The following ZFHX3 variants were observed in gnomAD, a reference collection of about 807,000 sequenced individuals.
ZFHX3 encodes zinc finger homeobox protein 3.
ZFHX3 carries 42 observed loss-of-function variants against 279.1 expected under a neutral mutation model. That is an observed-to-expected ratio of 0.15 (90% confidence interval 0.12 to 0.19). ZFHX3 has a LOEUF of 0.19. Ranked by LOEUF, ZFHX3 falls within the 10% of genes least tolerant of loss-of-function variation. The pLI, the probability that ZFHX3 is intolerant of heterozygous loss-of-function variation, is 1.00. For missense variants in ZFHX3, 4,981 were observed against 4,754.0 expected, an observed-to-expected ratio of 1.05 and a Z score of -1.40; for synonymous variants, 2,293 against 1,957.8, an observed-to-expected ratio of 1.17 and a Z score of -4.52.
At chr16:73,770,956 G>T (rs371536287) in intron 1 of ZFHX3, among the ~76,000 whole-genome samples, 6 of 152,132 alleles carry the variant, frequency 3.9e-5, no homozygotes, top group African/African-American at 1.4e-4. Flanking sequence ...TCATGAAGAA[G>T]GTAAAGGACT....
At chr16:72,883,311 C>T (rs558956633) in intron 4 of ZFHX3, among the ~76,000 whole-genome samples, 54 of 152,178 alleles carry the variant, frequency 3.5e-4, no homozygotes, top group African/African-American at 1.2e-3. Context: ...AATCAAACTA[C>T]GAATATTGGC....
At position 72,787,039 on chromosome 16, in the gene ZFHX3, CTTTT is replaced by C. The variant is rs76239888; in HGVS notation, c.*121_*124del. The C allele has an allele frequency of 8.3e-4, 570 of 682,958 alleles. No homozygotes were observed. The highest frequency in any genetic ancestry group is 8.8e-4 in the Non-Finnish European group (473 of 537,292). 42.3% of individuals were successfully genotyped at this position (682,958 alleles called of 1,614,324 possible). A position where few individuals can be genotyped will look rare whatever the true frequency, so the allele number is the denominator to read the frequency against. On this transcript the variant is annotated 3_prime_UTR_variant, in exon 10 of 10. Transcript: ENST00000268489. ...ACAACCCACGCTTTTTCTTTTTTTT[CTTTT>C]TTTTTTTTTTTTTGTTTTTTGGTTA...
intron 1 of ZFHX3, among the ~76,000 whole-genome samples, chr16:73,686,804 T>C (rs2053089676): frequency 6.6e-6 from 1 of 151,650 alleles, no homozygotes; most frequent in Admixed American, 6.6e-5. Context: ...AAACCTTATC[T>C]AGGAGAGTTA....
Position 72,788,046 on chromosome 16 carries a change from TG to T in ZFHX3, c.10229del (p.Pro3410GlnfsTer75), listed in dbSNP as rs754064241. On this transcript the variant is annotated frameshift_variant, in exon 10 of 10. Transcript: ENST00000268489. LOFTEE classifies it high-confidence loss of function. Reference protein sequence around the residue: ...QTPVPPGAPSPDKDPAKESPK... With the variant: ...QTPVPPGAPSXDKDPAKESPK... ...GGGATTCTTTGGCAGGGTCTTTGTC[TG>T]GGGAAGGAGCCCCGGGGGGGACTGG... 6.2e-7 allele frequency: 1 copy of T among 1,610,990 alleles called. No homozygotes were observed.
chr16:73,089,100 T>TTAATTA (rs1308678648), intron 8 of ZFHX3, among the ~76,000 whole-genome samples: 2 of 152,064 alleles, frequency 1.3e-5, no homozygotes, highest in Non-Finnish European at 2.9e-5. Flanking sequence ...AATTTTAATT[T>TTAATTA]TAATTAATTA....
chr16:73,352,884 A>G (rs1449724313), intron 3 of ZFHX3, among the ~76,000 whole-genome samples: 1 of 152,140 alleles, frequency 6.6e-6, no homozygotes, highest in Non-Finnish European at 1.5e-5. Context: ...CAGCCGTGCT[A>G]TCCAGCCTGG....
chr16:72,794,346 T>C lies in ZFHX3; in HGVS notation c.8336A>G (p.Asp2779Gly). ...SFSHLPPSSS[D>G]GQGVPLSPVS... The stretch of plus-strand genomic sequence containing the variant: ...AGGTGAGAGGGGGACACCCTGACCA[T>C]CACTACTGCTTGGGGGTAGGTGGGA... The change falls in exon 9 of 10, where the codon GAT becomes GGT. Residue 2779 changes from aspartate to glycine, a missense_variant. Coordinates refer to ENST00000268489, the MANE Select transcript of ZFHX3 (RefSeq NM_006885.4). The surrounding 1 kb of genome is among the most constrained non-coding windows in gnomAD (Gnocchi z 4.2). The C allele has an allele frequency of 6.2e-7, 1 of 1,603,222 alleles. No individual in the cohort carries two copies. Among genetic ancestry groups the C allele is most frequent in the Non-Finnish European group, 8.5e-7 (1 of 1,174,282 alleles).
intron 2 of ZFHX3, among the ~76,000 whole-genome samples, chr16:73,515,064 G>T (rs1319806181): frequency 6.6e-6 from 1 of 152,188 alleles, no homozygotes; most frequent in African/African-American, 2.4e-5. Context: ...TTCATTACAA[G>T]GTATGAATGC....
intron 1 of ZFHX3, among the ~76,000 whole-genome samples, chr16:73,001,775 G>A (rs1963507692): frequency 6.6e-6 from 1 of 151,556 alleles, no homozygotes; most frequent in South Asian, 2.1e-4. Flanking sequence ...AGCCCTGACT[G>A]CACCACCACG....
At chr16:72,949,916 T>TC (rs1960898466) in intron 3 of ZFHX3, among the ~76,000 whole-genome samples, 1 of 145,432 alleles carries the variant, frequency 6.9e-6, no homozygotes, top group Non-Finnish European at 1.5e-5. Flanking sequence ...CTTTTCTTTT[T>TC]TTTTTTTTTT....
At chr16:73,751,669 C>T (rs754665483) in intron 1 of ZFHX3, among the ~76,000 whole-genome samples, 13 of 152,116 alleles carry the variant, frequency 8.5e-5, no homozygotes, top group Non-Finnish European at 1.9e-4. Flanking sequence ...GGCCTATCTT[C>T]TCATTGTTCA....
intron 5 of ZFHX3, among the ~76,000 whole-genome samples, chr16:73,219,653 G>C (rs1000290607): frequency 6.6e-6 from 1 of 152,156 alleles, no homozygotes; most frequent in African/African-American, 2.4e-5. Flanking sequence ...ATAAAGGATT[G>C]GCCTACAGGC....
intron 2 of ZFHX3, among the ~76,000 whole-genome samples, chr16:73,511,200 C>A (rs997769943): frequency 6.6e-6 from 1 of 152,220 alleles, no homozygotes; most frequent in Non-Finnish European, 1.5e-5. Context: ...AAAAGTTCCT[C>A]GCAAGTTCCA....
chr16:73,761,430 A>G (rs773444029), intron 1 of ZFHX3, among the ~76,000 whole-genome samples: 20 of 152,170 alleles, frequency 1.3e-4, no homozygotes, highest in Non-Finnish European at 2.5e-4. Context: ...TATACATTCA[A>G]TGCTATTCCC....
intron 2 of ZFHX3, among the ~76,000 whole-genome samples, chr16:73,560,588 G>C (rs982936180): frequency 3.9e-5 from 6 of 152,174 alleles, no homozygotes; most frequent in African/African-American, 9.7e-5. Flanking sequence ...GTAAATCCAG[G>C]TCTGGAGGAT....
chr16:73,578,808 A>G (rs1180849688), intron 2 of ZFHX3, among the ~76,000 whole-genome samples: 1 of 152,186 alleles, frequency 6.6e-6, no homozygotes, highest in Non-Finnish European at 1.5e-5. Context: ...ATCAGATTCA[A>G]TAACTCTCTA....
Position 73,152,104 on chromosome 16 carries a change from C to G in ZFHX3, c.-1103-8273G>C, listed in dbSNP as rs956200564. On this transcript the variant is annotated intron_variant, in intron 5 of 17. Transcript: ENST00000641206. ...AGATATTTTCAGTACATCCCAGGCA[C>G]CAAATAACTGCTCATATGTCCCGAA... is the stretch of plus-strand genomic sequence containing the variant. 2.6e-5 allele frequency among the ~76,000 whole-genome samples: 4 copies of G among 152,060 alleles called. No homozygotes were observed. The South Asian group carries it at 8.3e-4, about 32-fold the overall frequency.
rs185016433 is a variant in ZFHX3, at chr16:73,192,221, C to G, written c.-1103-48390G>C. On this transcript the variant is annotated intron_variant, in intron 5 of 17. Transcript: ENST00000641206. ...CTCCTCCCCAAACACCCTATCCCAC[C>G]GCCGTTGCAAAGCCCTCCCTGCCCC... Among the ~76,000 whole-genome samples the G allele has an allele frequency of 4.4e-4, 67 of 152,236 alleles. 2 individuals carry two copies. The highest frequency in any genetic ancestry group is 4.2e-3 in the Admixed American group (64 of 15,288).
chr16:73,740,650 T>C (rs1324371179), intron 1 of ZFHX3, among the ~76,000 whole-genome samples: 2 of 152,202 alleles, frequency 1.3e-5, no homozygotes, highest in African/African-American at 4.8e-5. Flanking sequence ...ACAAAATACT[T>C]TGAAAGTTAC....
Sources: allele counts gnomAD v4.1 joint callset (sites outside exome capture counted in the v4.1 genomes callset), GRCh38; gene constraint gnomAD v4.1.1; non-coding constraint Gnocchi (gnomAD v3.1); transcripts MANE v1.5; gene names NCBI Gene and HGNC (gene_info 2026-07-23, HGNC 2026-07-21).